Variants in TSHR observed in about 807,000 individuals in gnomAD.
The protein encoded by TSHR is thyrotropin receptor.
In TSHR, 51 loss-of-function variants were observed where a neutral mutation model predicts 64.1. That is an observed-to-expected ratio of 0.80 (90% confidence interval 0.64 to 1.01). The LOEUF is 1.01. Ranked by LOEUF, TSHR falls within the 50% of genes least tolerant of loss-of-function variation. The probability of loss-of-function intolerance (pLI) is 0.00; values close to 1 mark genes in which losing one functional copy is unlikely to be tolerated. For synonymous variants in TSHR, 361 were observed against 361.9 expected, an observed-to-expected ratio of 1.00 and a Z score of 0.03; for missense variants, 877 against 942.8, an observed-to-expected ratio of 0.93 and a Z score of 0.91.
chr14:81,130,659 T>C (rs992827148), intron 8 of TSHR, among the ~76,000 whole-genome samples: 6 of 152,188 alleles, frequency 3.9e-5, no homozygotes, highest in African/African-American at 1.4e-4. Context: ...CAAATAGAAA[T>C]CTCCAGTCCA....
intron 1 of TSHR, among the ~76,000 whole-genome samples, chr14:80,963,939 CA>C (rs909340600): frequency 1.4e-4 from 21 of 152,204 alleles, no homozygotes; most frequent in African/African-American, 5.1e-4. Context: ...CTTTCACTCT[CA>C]AAGGTGTCCC....
chr14:81,146,238 C>T lies in TSHR; in HGVS notation c.*1885C>T. ...CAGAGTCCTAGAAAAGTGACTTCAACAGAATTGTTACTAAAATTTGCACTC... is the reference window on the plus strand; with the variant it reads ...CAGAGTCCTAGAAAAGTGACTTCAATAGAATTGTTACTAAAATTTGCACTC... On this transcript the variant is annotated 3_prime_UTR_variant, in exon 10 of 10. Transcript: ENST00000298171. 4.8e-6 allele frequency: 1 copy of T among 210,428 alleles called. No homozygotes were observed. Among genetic ancestry groups the T allele is most frequent in the Non-Finnish European group, 9.6e-6 (1 of 103,628 alleles). 13.0% of individuals were successfully genotyped at this position (210,428 alleles called of 1,614,324 possible). A position where few individuals can be genotyped will look rare whatever the true frequency, so the allele number is the denominator to read the frequency against.
chr14:80,972,561 G>A, intron 1 of TSHR, among the ~76,000 whole-genome samples: 1 of 151,950 alleles, frequency 6.6e-6, no homozygotes, highest in Non-Finnish European at 1.5e-5. Flanking sequence ...CCTAAATCTG[G>A]TCTATTTTCT....
At chr14:81,125,425 T>A (rs568066162) in intron 8 of TSHR, among the ~76,000 whole-genome samples, 1 of 152,118 alleles carries the variant, frequency 6.6e-6, no homozygotes, top group African/African-American at 2.4e-5. Context: ...GTGGAAGTAG[T>A]AGTAATAGTT....
intron 1 of TSHR, among the ~76,000 whole-genome samples, chr14:80,987,504 TA>T (rs1888522331): frequency 6.6e-6 from 1 of 152,232 alleles, no homozygotes; most frequent in African/African-American, 2.4e-5. Context: ...CCACACTTTT[TA>T]AAAAATTAAA....
chr14:80,981,667 C>T (rs1888180094), intron 1 of TSHR, among the ~76,000 whole-genome samples: 1 of 152,110 alleles, frequency 6.6e-6, no homozygotes, highest in African/African-American at 2.4e-5. Context: ...AGAAAGAGAA[C>T]AAAAACTATT....
chr14:81,110,514 C>A, intron 8 of TSHR, among the ~76,000 whole-genome samples: 1 of 152,200 alleles, frequency 6.6e-6, no homozygotes, highest in Admixed American at 6.5e-5. Context: ...GCCTCCAGAA[C>A]TGTAAGAAAA....
chr14:81,089,470 A>G (rs1888555673), intron 4 of TSHR, among the ~76,000 whole-genome samples: 1 of 152,162 alleles, frequency 6.6e-6, no homozygotes, highest in Non-Finnish European at 1.5e-5. Flanking sequence ...ATCCCCCACT[A>G]TATGCTCTGT....
At chr14:80,982,280 G>A in intron 1 of TSHR, 1 of 834,666 alleles carries the variant, frequency 1.2e-6, no homozygotes, top group African/African-American at 1.7e-5. Context: ...GAGTCCACCA[G>A]CTCCACATGT....
intron 1 of TSHR, among the ~76,000 whole-genome samples, chr14:80,985,370 T>C (rs1019352257): frequency 1.3e-5 from 2 of 152,276 alleles, no homozygotes; most frequent in Admixed American, 6.5e-5. Context: ...CAAAGGGCTT[T>C]ATCTTTTACT....
chr14:81,104,495 T>C (rs1889769916), intron 7 of TSHR: 1 of 985,296 alleles, frequency 1.0e-6, no homozygotes, highest in Non-Finnish European at 1.2e-6. Context: ...CTCCTCTCTC[T>C]GGCATAGATC....
chr14:81,067,927 C>CTATATACATATATATATATATATA (rs1886756709), intron 2 of TSHR, among the ~76,000 whole-genome samples: 1 of 95,798 alleles, frequency 1.0e-5, no homozygotes, highest in African/African-American at 5.9e-5. Context: ...CAGGGTGACA[C>CTATATACATATATATATATATATA]TATATATATA....
chr14:81,096,867 C>A (rs1889233053), intron 7 of TSHR, among the ~76,000 whole-genome samples, 160 bp downstream of exon 7: 1 of 151,856 alleles, frequency 6.6e-6, no homozygotes, highest in African/African-American at 2.4e-5. Flanking sequence ...GGCAGGGGCC[C>A]ACTTTAGTGG....
chr14:80,975,670 A>G (rs1419353283), intron 1 of TSHR, among the ~76,000 whole-genome samples: 1 of 152,210 alleles, frequency 6.6e-6, no homozygotes, highest in Non-Finnish European at 1.5e-5. Flanking sequence ...CCAAAGTCAT[A>G]TTAACAACCT....
intron 8 of TSHR, among the ~76,000 whole-genome samples, chr14:81,120,338 T>C (rs1890737380): frequency 6.6e-6 from 1 of 152,136 alleles, no homozygotes; most frequent in South Asian, 2.1e-4. Flanking sequence ...TTCGAGGAAA[T>C]CCATTGACAT....
At chr14:80,992,510 G>A (rs1888795340) in intron 1 of TSHR, 1 of 151,320 alleles carries the variant, frequency 6.6e-6, no homozygotes, top group Non-Finnish European at 1.5e-5. Context: ...TGTGTTGCAT[G>A]ATGGAGAGGT....
intron 1 of TSHR, chr14:81,001,537 C>CA (rs1462100296): frequency 5.7e-6 from 3 of 524,888 alleles, no homozygotes; most frequent in Non-Finnish European, 7.6e-6. Context: ...AGCAAAAATT[C>CA]AGCACTCATT....
intron 4 of TSHR, among the ~76,000 whole-genome samples, chr14:81,090,481 T>C (rs1327637189): frequency 2.0e-5 from 3 of 152,246 alleles, no homozygotes; most frequent in Non-Finnish European, 2.9e-5. Context: ...ACTCAAGTGA[T>C]CCACCTGCCT....
chr14:81,114,839 A>G (rs1005244652), intron 8 of TSHR, among the ~76,000 whole-genome samples: 64 of 152,308 alleles, frequency 4.2e-4, no homozygotes, highest in Admixed American at 2.5e-3. Flanking sequence ...ATCTGAGAAC[A>G]GGCAGACTGC....
Sources: allele counts gnomAD v4.1 joint callset (sites outside exome capture counted in the v4.1 genomes callset), GRCh38; gene constraint gnomAD v4.1.1; transcripts MANE v1.5; gene names NCBI Gene and HGNC (gene_info 2026-07-23, HGNC 2026-07-21).